COX5A: variants seen among roughly 807,000 people sequenced by gnomAD.
COX5A encodes cytochrome c oxidase subunit 5A, also known as cytochrome c oxidase subunit 5A, mitochondrial.
Under a neutral mutation model 16.1 loss-of-function variants are expected in COX5A, and 6 were observed. The ratio of observed to expected loss-of-function variants is 0.37; its 90% CI spans 0.20 to 0.73. The LOEUF is 0.73. Ranked by LOEUF, COX5A falls within the 30% of genes least tolerant of loss-of-function variation. COX5A has a pLI of 0.50. For missense variants in COX5A, 159 were observed against 194.9 expected (o/e 0.82, Z 1.10); for synonymous variants, 73 against 73.8 (o/e 0.99, Z 0.06).
At chr15:74,923,039 C>T (rs1052016349) in intron 4 of COX5A, among the ~76,000 whole-genome samples, 1 of 152,218 alleles carries the variant, frequency 6.6e-6, no homozygotes, top group African/African-American at 2.4e-5. Flanking sequence ...CACAGACTCA[C>T]TATATTATCA....
intron 1 of COX5A, among the ~76,000 whole-genome samples, chr15:74,930,747 G>A (rs2141273297): frequency 6.7e-6 from 1 of 149,548 alleles, no homozygotes; most frequent in South Asian, 2.1e-4. Context: ...GCCGGGCTTG[G>A]TGGCTCACGC....
chr15:74,935,343 A>C (rs1400546616), intron 1 of COX5A, among the ~76,000 whole-genome samples: 1 of 151,738 alleles, frequency 6.6e-6, no homozygotes, highest in Non-Finnish European at 1.5e-5. Context: ...AGAAAAAGAA[A>C]AATTTGGCTG....
At chr15:74,920,795 C>T (rs528321554) in intron 4 of COX5A, among the ~76,000 whole-genome samples, 2 of 152,186 alleles carry the variant, frequency 1.3e-5, no homozygotes, top group East Asian at 1.9e-4. Context: ...CTGGGCAACA[C>T]GGTGAAACCC....
intron 4 of COX5A, among the ~76,000 whole-genome samples, chr15:74,920,916 G>C (rs2065316998): frequency 6.6e-6 from 1 of 151,916 alleles, no homozygotes; most frequent in Non-Finnish European, 1.5e-5. Flanking sequence ...GGCGGAGGTT[G>C]GAGTGGGCCG....
chr15:74,921,407 CAAAAAAAAAAAAA>C (rs56979177), intron 4 of COX5A, among the ~76,000 whole-genome samples: 1 of 79,506 alleles, frequency 1.3e-5, no homozygotes, highest in Non-Finnish European at 2.3e-5. Flanking sequence ...GACTCCGTCT[CAAAAAAAAAAAAA>C]AAAAAAGAAA....
intron 4 of COX5A, among the ~76,000 whole-genome samples, chr15:74,922,328 T>G (rs1440073429): frequency 6.7e-6 from 1 of 148,996 alleles, no homozygotes; most frequent in East Asian, 2.0e-4. Context: ...GGAAGTTCAG[T>G]GAGCCGAGAT....
In COX5A at chr15:74,931,016, C is replaced by CAAAAAAA. The variant is rs61417867; in HGVS notation, c.101-1791_101-1785dup. Among the ~76,000 whole-genome samples, 15 of 23,730 alleles carry CAAAAAAA rather than the reference C, an allele frequency of 6.3e-4. 3 individuals are homozygous for CAAAAAAA. In the East Asian group the frequency reaches 9.7e-3, roughly 15 times the overall value. 15.6% of individuals were successfully genotyped at this position (23,730 alleles called of 152,430 possible). On this transcript the variant is annotated intron_variant, in intron 1 of 4. Transcript: ENST00000322347. ...TGGGCAACAGAGCGAGACTCTGTCT[C>CAAAAAAA]AAAAAAAAAAAAAAAAAAAAAAAAA...
At chr15:74,925,481 C>T (rs1356536765) in intron 3 of COX5A, among the ~76,000 whole-genome samples, 7 of 151,412 alleles carry the variant, frequency 4.6e-5, no homozygotes, top group African/African-American at 1.5e-4. Context: ...CTCTGCCTCC[C>T]GGGTTCAAGC....
Position 74,919,985 on chromosome 15 carries a change from C to A in COX5A, c.*467G>T. On this transcript the variant is annotated 3_prime_UTR_variant, in exon 5 of 5. Transcript: ENST00000322347. The stretch of plus-strand genomic sequence containing the variant: ...GACTATCTCAGTGACCACTTTTAAA[C>A]ATCATTAAAACCTGTTTTGGAAAGG... 4.7e-6 allele frequency: 1 copy of A among 212,962 alleles called. No homozygotes were observed. The highest frequency in any genetic ancestry group is 9.2e-6 in the Non-Finnish European group (1 of 109,236). 13.2% of individuals were successfully genotyped at this position (212,962 alleles called of 1,614,324 possible). A position where few individuals can be genotyped will look rare whatever the true frequency, so the allele number is the denominator to read the frequency against.
intron 4 of COX5A, among the ~76,000 whole-genome samples, chr15:74,923,083 G>C (rs1244669683): frequency 6.6e-6 from 1 of 152,174 alleles, no homozygotes; most frequent in Admixed American, 6.5e-5. Flanking sequence ...AATATTGTAT[G>C]AAGATTTTTC....
intron 1 of COX5A, among the ~76,000 whole-genome samples, chr15:74,935,014 T>C (rs143424851): frequency 2.0e-5 from 3 of 152,342 alleles, no homozygotes; most frequent in African/African-American, 7.2e-5. Context: ...AAAGGGCTCA[T>C]TGATCCTTTG....
At position 74,920,183 on chromosome 15, in the gene COX5A, C is replaced by G. The variant is rs1013588482; in HGVS notation, c.*269G>C. ...TGGTTTCCAGAGAATTAACACAGTT[C>G]TCTCAGCATGTAAGAGGGCAGCAAA... On this transcript the variant is annotated 3_prime_UTR_variant, in exon 5 of 5. Transcript: ENST00000322347. The G allele has an allele frequency of 5.6e-6, 3 of 532,554 alleles. No individual in the cohort carries two copies. The highest frequency in any genetic ancestry group is 4.1e-5 in the Admixed American group (1 of 24,170). The allele number at this position is 532,554 out of a possible 1,614,324, so 33.0% of individuals were successfully genotyped here. A position where few individuals can be genotyped will look rare whatever the true frequency, so the allele number is the denominator to read the frequency against.
At chr15:74,927,633 G>A (rs575768269) in intron 2 of COX5A, among the ~76,000 whole-genome samples, 229 of 152,184 alleles carry the variant, frequency 1.5e-3, no homozygotes, top group African/African-American at 5.3e-3. Flanking sequence ...TTGGCCGGGC[G>A]TGGTGGCACA....
chr15:74,936,611 C>CA (rs2065391119), intron 1 of COX5A, among the ~76,000 whole-genome samples: 1 of 145,320 alleles, frequency 6.9e-6, no homozygotes, highest in Admixed American at 6.9e-5. Context: ...ATGAATGAAG[C>CA]AAAACATATT....
At chr15:74,931,016 CAA>C (rs61417867) in intron 1 of COX5A, among the ~76,000 whole-genome samples, 2,057 of 22,946 alleles carry the variant, frequency 0.09, 9 homozygotes, top group African/African-American at 0.23. Flanking sequence ...GACTCTGTCT[CAA>C]AAAAAAAAAA....
intron 2 of COX5A, 144 bp downstream of exon 2, chr15:74,928,972 A>G (rs1654794854): frequency 8.8e-6 from 6 of 679,426 alleles, no homozygotes; most frequent in African/African-American, 1.8e-5. Flanking sequence ...CTTTATAGGT[A>G]GCCATAAACT....
At chr15:74,937,087 A>C (rs2065394341) in intron 1 of COX5A, among the ~76,000 whole-genome samples, 1 of 152,152 alleles carries the variant, frequency 6.6e-6, no homozygotes, top group African/African-American at 2.4e-5. Context: ...ATCGAAGTGC[A>C]ATTACTGTAA....
intron 1 of COX5A, among the ~76,000 whole-genome samples, chr15:74,930,421 A>AG (rs1165494475): frequency 2.0e-5 from 3 of 150,182 alleles, no homozygotes; most frequent in South Asian, 2.1e-4. Flanking sequence ...CGCCTCAAAA[A>AG]AAAAAAAAAA....
At chr15:74,933,408 CA>C (rs142190767) in intron 1 of COX5A, among the ~76,000 whole-genome samples, 33,981 of 143,566 alleles carry the variant, frequency 0.24, 5,255 homozygotes, top group Non-Finnish European at 0.34. Context: ...GACTCCGTCT[CA>C]AAAAAAAAAA....
Sources: allele counts gnomAD v4.1 joint callset (sites outside exome capture counted in the v4.1 genomes callset), GRCh38; gene constraint gnomAD v4.1.1; transcripts MANE v1.5; gene names NCBI Gene and HGNC (gene_info 2026-07-23, HGNC 2026-07-21).